Variants in FBN2 observed in about 807,000 individuals in gnomAD.
FBN2 encodes fibrillin 2.
FBN2 carries 105 observed loss-of-function variants against 355.6 expected under a neutral mutation model. That is an observed-to-expected ratio of 0.30 (90% CI 0.25 to 0.35). FBN2 has a LOEUF of 0.35. Ranked by LOEUF, FBN2 falls within the 10% of genes least tolerant of loss-of-function variation. FBN2 has a pLI of 1.00. For synonymous variants in FBN2, 1,350 were observed against 1,301.2 expected, an observed-to-expected ratio of 1.04 and a Z score of -0.81; for missense variants, 3,280 against 3,758.7, an observed-to-expected ratio of 0.87 and a Z score of 3.33.
At chr5:128,283,664 G>A (rs1467180280) in intron 55 of FBN2, among the ~76,000 whole-genome samples, 5 of 152,152 alleles carry the variant, frequency 3.3e-5, no homozygotes, top group Non-Finnish European at 5.9e-5. Flanking sequence ...AAACACTATC[G>A]ATTTGCTAGC....
intron 62 of FBN2, among the ~76,000 whole-genome samples, chr5:128,264,799 T>C (rs1334258419): frequency 2.0e-5 from 3 of 152,166 alleles, no homozygotes; most frequent in African/African-American, 7.2e-5. Flanking sequence ...GAGGACATAG[T>C]ACCTAGTGGG....
At chr5:128,483,890 A>G (rs1332037425) in intron 5 of FBN2, among the ~76,000 whole-genome samples, 1 of 152,208 alleles carries the variant, frequency 6.6e-6, no homozygotes, top group Non-Finnish European at 1.5e-5. Context: ...GGTTGCCAGT[A>G]GAGACTACTT....
intron 5 of FBN2, among the ~76,000 whole-genome samples, chr5:128,467,262 A>T (rs975430123): frequency 6.6e-6 from 1 of 152,138 alleles, no homozygotes; most frequent in Non-Finnish European, 1.5e-5. Context: ...TCACTAATTA[A>T]GGCAACCTTC....
intron 5 of FBN2, among the ~76,000 whole-genome samples, chr5:128,487,181 T>C (rs1159114832): frequency 2.0e-5 from 3 of 152,218 alleles, no homozygotes; most frequent in Non-Finnish European, 4.4e-5. Flanking sequence ...CAAGTCACCA[T>C]CCGGCTCTTT....
At chr5:128,392,772 CAAATGAAAT>C (rs1335083742) in intron 10 of FBN2, among the ~76,000 whole-genome samples, 2 of 152,126 alleles carry the variant, frequency 1.3e-5, no homozygotes, top group Admixed American at 1.3e-4. Context: ...TTTAAACAGC[CAAATGAAAT>C]ACATTGAAAC....
chr5:128,483,214 A>G (rs1755243847), intron 5 of FBN2, among the ~76,000 whole-genome samples: 1 of 152,196 alleles, frequency 6.6e-6, no homozygotes, highest in African/African-American at 2.4e-5. Context: ...TACCACGCTC[A>G]GTACCTGGAT....
chr5:128,310,474 A>G (rs377075799), intron 39 of FBN2, among the ~76,000 whole-genome samples: 1 of 144,196 alleles, frequency 6.9e-6, no homozygotes, highest in Non-Finnish European at 1.5e-5. Flanking sequence ...CTTTTGTCCT[A>G]TGTCACTTAG....
chr5:128,506,306 A>G (rs186080216), intron 5 of FBN2, among the ~76,000 whole-genome samples: 9 of 152,254 alleles, frequency 5.9e-5, no homozygotes, highest in Admixed American at 5.2e-4. Context: ...TAATGAACAT[A>G]TGTATTTCTT....
chr5:128,321,144 G>A (rs1484287784), intron 34 of FBN2, among the ~76,000 whole-genome samples: 2 of 152,016 alleles, frequency 1.3e-5, no homozygotes, highest in Admixed American at 6.6e-5. Flanking sequence ...GAAATCACAG[G>A]TGTTTTCTAC....
chr5:128,441,363 C>G (rs893030574), intron 7 of FBN2, among the ~76,000 whole-genome samples: 4 of 152,182 alleles, frequency 2.6e-5, no homozygotes, highest in African/African-American at 9.7e-5. Flanking sequence ...CATCCAACAC[C>G]TTTGTTTGCT....
intron 6 of FBN2, among the ~76,000 whole-genome samples, chr5:128,460,621 C>T (rs1270596278): frequency 5.9e-5 from 9 of 152,154 alleles, no homozygotes; most frequent in Admixed American, 5.2e-4. Context: ...TACAAGGCTA[C>T]GGTAACCAAA....
chr5:128,512,181 C>G (rs1276605947), intron 5 of FBN2, among the ~76,000 whole-genome samples: 1 of 152,112 alleles, frequency 6.6e-6, no homozygotes. Flanking sequence ...GATCCTGAAA[C>G]AGTCTCTCTC....
At chr5:128,436,157 T>A (rs946363335) in intron 7 of FBN2, among the ~76,000 whole-genome samples, 2 of 152,206 alleles carry the variant, frequency 1.3e-5, no homozygotes, top group Non-Finnish European at 2.9e-5. Flanking sequence ...ATAGTTTAGA[T>A]TGGCAACTTC....
At chr5:128,497,519 T>C (rs1324431682) in intron 5 of FBN2, among the ~76,000 whole-genome samples, 1 of 152,230 alleles carries the variant, frequency 6.6e-6, no homozygotes, top group Non-Finnish European at 1.5e-5. Context: ...GAAAGTGGCC[T>C]GAACCATCCA....
At chr5:128,451,641 C>T (rs996555894) in intron 6 of FBN2, among the ~76,000 whole-genome samples, 1 of 152,124 alleles carries the variant, frequency 6.6e-6, no homozygotes, top group Non-Finnish European at 1.5e-5. Context: ...CTCAGGTGAT[C>T]CACCCGCCTT....
rs142364059 is a variant in FBN2 at position 128,490,761 on chromosome 5, G to A, written c.629-25840C>T. ...CAATAAATTCTTAATGATAAATGCT[G>A]AAATCTAAAAAATAAATTCATCTCT... On this transcript the variant is annotated intron_variant, in intron 5 of 64. Coordinates refer to ENST00000262464, the MANE Select transcript of FBN2 (RefSeq NM_001999.4). Among the ~76,000 whole-genome samples the A allele has an allele frequency of 6.8e-3, 1,035 of 152,216 alleles. 13 individuals carry two copies. Among genetic ancestry groups the A allele is most frequent in the African/African-American group, 0.021 (892 of 41,544 alleles).
intron 6 of FBN2, among the ~76,000 whole-genome samples, chr5:128,449,925 T>C (rs1013057506): frequency 5.3e-5 from 8 of 152,008 alleles, no homozygotes; most frequent in African/African-American, 1.7e-4. Context: ...AGTAATAAAG[T>C]GTGTGGATAA....
rs755373357 is a variant in FBN2, at chr5:128,461,087, T to G, written c.826+3637A>C. ...AGGAAACCTACAGAATGGGAGAAAA[T>G]TTTTGCAATCTACCCATCTAACAAA... is the stretch of plus-strand genomic sequence containing the variant. On this transcript the variant is annotated intron_variant, in intron 6 of 64. Transcript: ENST00000262464. Among the ~76,000 whole-genome samples, 132 of 151,972 alleles carry G rather than the reference T, an allele frequency of 8.7e-4. 1 individual carries two copies. Among genetic ancestry groups the G allele is most frequent in the Admixed American group, 1.6e-3 (24 of 15,234 alleles).
intron 5 of FBN2, among the ~76,000 whole-genome samples, chr5:128,493,176 A>G (rs2127128696): frequency 6.6e-6 from 1 of 152,270 alleles, no homozygotes; most frequent in East Asian, 1.9e-4. Context: ...AAGTGTAATG[A>G]GGGATTCTGA....
Sources: gnomAD v4.1 joint callset for allele counts (sites outside exome capture counted in the v4.1 genomes callset) on GRCh38, gnomAD v4.1.1 for gene constraint, MANE v1.5 for transcripts, NCBI Gene and HGNC (gene_info 2026-07-23, HGNC 2026-07-21) for gene names.